Variants in GADL1 observed in about 807,000 individuals in gnomAD.
The protein encoded by GADL1 is acidic amino acid decarboxylase GADL1.
GADL1 carries 71 observed loss-of-function variants against 69.5 expected under a neutral mutation model. The observed-to-expected ratio is 1.02, with a 90% CI of 0.84 to 1.25. The LOEUF (loss-of-function observed/expected upper bound fraction) is 1.25, where lower values mean the gene tolerates loss of function less well. GADL1 is among the 50% of genes most tolerant of loss of function. The pLI, the probability that GADL1 is intolerant of heterozygous loss-of-function variation, is 0.00. For missense variants in GADL1, 737 were observed against 631.8 expected (o/e 1.17, Z -1.79); for synonymous variants, 254 against 214.4 (o/e 1.18, Z -1.62).
At chr3:30,780,873 G>C (rs1320866330) in intron 13 of GADL1, among the ~76,000 whole-genome samples, 1 of 152,122 alleles carries the variant, frequency 6.6e-6, no homozygotes, top group East Asian at 1.9e-4. Context: ...AAAATTAAGA[G>C]TTGAAAAAGT....
intron 12 of GADL1, chr3:30,800,261 T>C (rs373598919): frequency 1.8e-4 from 27 of 153,410 alleles, no homozygotes; most frequent in African/African-American, 5.8e-4. Context: ...CGAAAGGCAC[T>C]TCTTGCATGG....
At chr3:30,752,515 C>T (rs1159662242) in intron 14 of GADL1, among the ~76,000 whole-genome samples, 1 of 152,206 alleles carries the variant, frequency 6.6e-6, no homozygotes, top group Non-Finnish European at 1.5e-5. Context: ...GATGAGGATG[C>T]TGTGGGACAC....
chr3:30,824,765 C>A (rs1014373831), intron 11 of GADL1, among the ~76,000 whole-genome samples: 3 of 150,594 alleles, frequency 2.0e-5, no homozygotes, highest in Non-Finnish European at 4.4e-5. Context: ...AACTACAGAG[C>A]AAAACTAATA....
At chr3:30,803,821 G>T (rs569365082) in intron 11 of GADL1, among the ~76,000 whole-genome samples, 1 of 152,312 alleles carries the variant, frequency 6.6e-6, no homozygotes, top group South Asian at 2.1e-4. Flanking sequence ...CATCAACTAA[G>T]AGAAGATGCT....
At chr3:30,732,077 C>A (rs2125468909) in intron 14 of GADL1, among the ~76,000 whole-genome samples, 1 of 152,288 alleles carries the variant, frequency 6.6e-6, no homozygotes, top group Non-Finnish European at 1.5e-5. Context: ...AGCTTATCAC[C>A]TTTGCACTTA....
chr3:30,796,022 A>G (rs1697025239), intron 12 of GADL1, among the ~76,000 whole-genome samples: 3 of 152,328 alleles, frequency 2.0e-5, no homozygotes, highest in East Asian at 3.9e-4. Context: ...TGAAATGTTA[A>G]CATTTATCCT....
intron 8 of GADL1, among the ~76,000 whole-genome samples, chr3:30,839,962 C>T (rs113882126): frequency 1.2e-4 from 18 of 152,054 alleles, no homozygotes; most frequent in African/African-American, 4.3e-4. Context: ...ATGGATTGCT[C>T]CAGGATGGTG....
intron 11 of GADL1, among the ~76,000 whole-genome samples, chr3:30,829,824 T>C (rs2125521755): frequency 6.6e-6 from 1 of 152,030 alleles, no homozygotes; most frequent in African/African-American, 2.4e-5. Flanking sequence ...GCTTCCATTC[T>C]AGTGGGAGAG....
At chr3:30,836,093 C>G (rs757569884) in intron 9 of GADL1, among the ~76,000 whole-genome samples, 1 of 152,000 alleles carries the variant, frequency 6.6e-6, no homozygotes, top group Non-Finnish European at 1.5e-5. Context: ...TCTCACTTCT[C>G]TTATCCCCCA....
chr3:30,752,181 G>GTTCA (rs10634413), intron 14 of GADL1, among the ~76,000 whole-genome samples: 5 of 152,006 alleles, frequency 3.3e-5, no homozygotes, highest in African/African-American at 9.7e-5. Context: ...ATGTAGTGCT[G>GTTCA]TTAAGTTCTC....
chr3:30,825,616 C>T lies in GADL1; in HGVS notation c.1050+8237G>A, dbSNP rs1048345467. ...GATTTATTCCAAGAACTCAAAAGGG[C>T]CTCAACTATCATATCAGAGTAGCGA... On this transcript the variant is annotated intron_variant, in intron 11 of 14. Transcript: ENST00000282538. Among the ~76,000 whole-genome samples, 2 of 151,956 alleles carry T rather than the reference C, an allele frequency of 1.3e-5. 1 individual carries two copies.
chr3:30,786,452 G>A, intron 12 of GADL1, 46 bp from the exon 13 acceptor site: 1 of 1,006,410 alleles, frequency 9.9e-7, no homozygotes, highest in Non-Finnish European at 1.6e-6. Context: ...CAATGTAAAA[G>A]TGTCATGAAC....
At chr3:30,755,295 C>T (rs1173359944) in intron 14 of GADL1, among the ~76,000 whole-genome samples, 2 of 140,984 alleles carry the variant, frequency 1.4e-5, no homozygotes, top group Non-Finnish European at 3.1e-5. Flanking sequence ...ATTTATTAAC[C>T]TGGATGCTTT....
At chr3:30,790,815 C>G (rs1027653014) in intron 12 of GADL1, among the ~76,000 whole-genome samples, 1 of 151,984 alleles carries the variant, frequency 6.6e-6, no homozygotes, top group African/African-American at 2.4e-5. Flanking sequence ...TACAAAATAA[C>G]TAGAAACAAG....
At chr3:30,786,782 TTTG>T (rs1178369054) in intron 12 of GADL1, among the ~76,000 whole-genome samples, 2 of 152,210 alleles carry the variant, frequency 1.3e-5, no homozygotes, top group Non-Finnish European at 2.9e-5. Flanking sequence ...GAAAGAGTTT[TTTG>T]TTTTGTTTTG....
At chr3:30,837,733 T>C (rs539183404) in intron 9 of GADL1, among the ~76,000 whole-genome samples, 4 of 152,246 alleles carry the variant, frequency 2.6e-5, no homozygotes, top group Admixed American at 6.5e-5. Flanking sequence ...TTCCCCCTTA[T>C]TTCCACAGTT....
Position 30,821,810 on chromosome 3 carries a change from G to A in GADL1, c.1050+12043C>T, listed in dbSNP as rs144208045. 3.3e-3 allele frequency among the ~76,000 whole-genome samples: 502 copies of A among 151,600 alleles called. 1 individual carries two copies. The highest frequency in any genetic ancestry group is 0.012 in the African/African-American group (484 of 41,374). On this transcript the variant is annotated intron_variant, in intron 11 of 14. Transcript: ENST00000282538. ...TCTGAAGCTATAATGATTACAGCAA[G>A]GTGGACTTGGCAAAACAATCAACAG...
intron 9 of GADL1, among the ~76,000 whole-genome samples, chr3:30,837,845 C>A (rs1369871823): frequency 6.6e-6 from 1 of 152,084 alleles, no homozygotes; most frequent in Non-Finnish European, 1.5e-5. Context: ...TGAACAGATA[C>A]AAATGCTAAA....
intron 12 of GADL1, among the ~76,000 whole-genome samples, chr3:30,797,216 C>A (rs1018810050): frequency 6.6e-6 from 1 of 152,114 alleles, no homozygotes; most frequent in Non-Finnish European, 1.5e-5. Context: ...GACTCAAACA[C>A]CCCAGCTGCT....
Sources: gnomAD v4.1 joint callset for allele counts (sites outside exome capture counted in the v4.1 genomes callset) on GRCh38, gnomAD v4.1.1 for gene constraint, MANE v1.5 for transcripts, NCBI Gene and HGNC (gene_info 2026-07-23, HGNC 2026-07-21) for gene names.